Variants in THSD7B observed in about 807,000 individuals in gnomAD.
THSD7B encodes thrombospondin type-1 domain-containing protein 7B.
THSD7B carries 138 observed loss-of-function variants against 213.6 expected under a neutral mutation model. The ratio of observed to expected loss-of-function variants is 0.65; its 90% CI spans 0.56 to 0.74. The LOEUF is 0.74. Ranked by LOEUF, THSD7B falls within the 30% of genes least tolerant of loss-of-function variation. The pLI, the probability that THSD7B is intolerant of heterozygous loss-of-function variation, is 0.00. For synonymous variants in THSD7B, 742 were observed against 687.0 expected (o/e 1.08, Z -1.25); for missense variants, 1,931 against 1,991.5 (o/e 0.97, Z 0.58).
chr2:136,776,550 A>G lies in THSD7B; in HGVS notation c.-36+10863A>G, dbSNP rs1681609776. Among the ~76,000 whole-genome samples the G allele has an allele frequency of 1.3e-5, 2 of 152,148 alleles. 1 individual carries two copies. Among genetic ancestry groups the G allele is most frequent in the South Asian group, 4.1e-4 (2 of 4,826 alleles). ...GAGAGACTCAAATCCTTATAATCTA[A>G]GATAAACAATTTTGTCCTGGCATGT... On this transcript the variant is annotated intron_variant, in intron 1 of 27. Coordinates refer to ENST00000409968, the MANE Select transcript of THSD7B (RefSeq NM_001316349.2).
chr2:137,056,766 T>C lies in THSD7B; in HGVS notation c.486T>C (p.Phe162=), dbSNP rs969209329. 1 of 1,613,892 alleles carries C rather than the reference T, an allele frequency of 6.2e-7. No homozygotes were observed. Among genetic ancestry groups the C allele is most frequent in the African/African-American group, 1.3e-5 (1 of 74,936 alleles). The change falls in exon 3 of 28, where the codon TTT becomes TTC. Residue 162 remains phenylalanine, a synonymous_variant. Coordinates refer to ENST00000409968, the MANE Select transcript of THSD7B (RefSeq NM_001316349.2). ...TVVANEICEH[F]ALQPPTEQAC... Reference sequence around the variant, plus strand: ...TTGCAAATGAAATATGCGAACACTTTGCCCTTCAGCCTCCTACAGAACAGG... The same window carrying C: ...TTGCAAATGAAATATGCGAACACTTCGCCCTTCAGCCTCCTACAGAACAGG...
chr2:136,882,678 T>C (rs1157949519), intron 2 of THSD7B, among the ~76,000 whole-genome samples: 2 of 152,210 alleles, frequency 1.3e-5, no homozygotes, highest in African/African-American at 4.8e-5. Context: ...CAGTTCTGCA[T>C]GTCTCTTTCA....
intron 1 of THSD7B, among the ~76,000 whole-genome samples, chr2:136,825,676 C>G (rs145148524): frequency 6.6e-6 from 1 of 150,564 alleles, no homozygotes; most frequent in African/African-American, 2.5e-5. Flanking sequence ...CTCAGCCTCC[C>G]GAGTAGCTGG....
chr2:137,146,705 A>G (rs1160867441), intron 5 of THSD7B, among the ~76,000 whole-genome samples: 1 of 152,180 alleles, frequency 6.6e-6, no homozygotes, highest in African/African-American at 2.4e-5. Context: ...CATAAAGCAC[A>G]AATACACATA....
At chr2:137,390,956 A>G (rs935801514) in intron 12 of THSD7B, among the ~76,000 whole-genome samples, 10 of 151,922 alleles carry the variant, frequency 6.6e-5, no homozygotes, top group African/African-American at 7.2e-5. Context: ...TTTTGCATCT[A>G]TGTTCACCAG....
At chr2:137,587,301 G>C (rs2104809139) in intron 17 of THSD7B, among the ~76,000 whole-genome samples, 1 of 152,298 alleles carries the variant, frequency 6.6e-6, no homozygotes, top group African/African-American at 2.4e-5. Flanking sequence ...TTAGCTCGGA[G>C]AAGTTTCGTT....
At chr2:137,242,209 G>A (rs1254583628) in intron 9 of THSD7B, among the ~76,000 whole-genome samples, 2 of 152,088 alleles carry the variant, frequency 1.3e-5, no homozygotes. Context: ...TGGTTTCAGA[G>A]GTTATTTTTT....
chr2:137,136,232 A>G (rs1679454778), intron 5 of THSD7B, among the ~76,000 whole-genome samples: 1 of 152,276 alleles, frequency 6.6e-6, no homozygotes, highest in South Asian at 2.1e-4. Flanking sequence ...AAAACCACCA[A>G]GGCACATGTA....
At position 137,614,278 on chromosome 2, in the gene THSD7B, C is replaced by T. The variant is rs182352413; in HGVS notation, c.3424-1897C>T. Among the ~76,000 whole-genome samples the T allele has an allele frequency of 2.2e-3, 331 of 152,144 alleles. 1 individual carries two copies. The highest frequency in any genetic ancestry group is 6.9e-3 in the African/African-American group (285 of 41,526). On this transcript the variant is annotated intron_variant, in intron 17 of 27. Coordinates refer to ENST00000409968, the MANE Select transcript of THSD7B (RefSeq NM_001316349.2). ...TTCTTAAATCTTATCAAATTTCATC[C>T]CATCCCCATTCTTCTTTCTCATCTA...
At position 136,885,794 on chromosome 2, in the gene THSD7B, C is replaced by T. The variant is rs567465152; in HGVS notation, c.139+3477C>T. On this transcript the variant is annotated intron_variant, in intron 2 of 27. Transcript: ENST00000409968. ...ATTGAGAATAAAATAGGCAAATCCT[C>T]GGTCCTCATAAAGAGGGCAATAAAC... 2.0e-5 allele frequency among the ~76,000 whole-genome samples: 3 copies of T among 152,226 alleles called. 1 individual carries two copies. The highest frequency in any genetic ancestry group is 4.2e-4 in the South Asian group (2 of 4,818).
At chr2:137,194,111 C>T (rs1680713034) in intron 7 of THSD7B, among the ~76,000 whole-genome samples, 2 of 152,086 alleles carry the variant, frequency 1.3e-5, no homozygotes, top group African/African-American at 2.4e-5. Flanking sequence ...ACAAGTAAGA[C>T]CACACAAAAT....
chr2:137,256,162 T>C lies in THSD7B; in HGVS notation c.2266+13590T>C, dbSNP rs573782641. On this transcript the variant is annotated intron_variant, in intron 10 of 27. Coordinates refer to ENST00000409968, the MANE Select transcript of THSD7B (RefSeq NM_001316349.2). ...TGAATGGTGACTGCCACAAAGTAAT[T>C]ACCTAAATATTTGTTGAATGAATAA... Among the ~76,000 whole-genome samples, 14 of 152,306 alleles carry C rather than the reference T, an allele frequency of 9.2e-5. No individual in the cohort carries two copies. In the East Asian group the frequency reaches 2.7e-3, roughly 29 times the overall value.
intron 1 of THSD7B, among the ~76,000 whole-genome samples, chr2:136,793,972 T>C (rs919335204): frequency 7.0e-6 from 1 of 142,512 alleles, no homozygotes; most frequent in African/African-American, 3.0e-5. Flanking sequence ...GTAATTTGTG[T>C]TTTTTTTGTG....
rs185310954 is a variant in THSD7B, at chr2:137,627,417, T to C, written c.3799+6691T>C. On this transcript the variant is annotated intron_variant, in intron 20 of 27. Transcript: ENST00000409968. ...GAACTGCAGTTTGGAGAAATCATCA[T>C]TGGGAAGGGAGGATGGGATACCAGG... 1.4e-3 allele frequency among the ~76,000 whole-genome samples: 219 copies of C among 152,188 alleles called. 2 individuals carry two copies. The highest frequency in any genetic ancestry group is 5.0e-3 in the African/African-American group (208 of 41,528).
At chr2:137,632,576 A>G (rs1198586283) in intron 20 of THSD7B, among the ~76,000 whole-genome samples, 2 of 152,198 alleles carry the variant, frequency 1.3e-5, no homozygotes, top group African/African-American at 4.8e-5. Flanking sequence ...TTTTAATGGA[A>G]TTGAAATGTG....
intron 2 of THSD7B, among the ~76,000 whole-genome samples, chr2:136,958,358 G>A (rs548930169): frequency 1.7e-4 from 26 of 152,260 alleles, no homozygotes; most frequent in African/African-American, 5.1e-4. Context: ...TTAGTTGATC[G>A]CAAGCAAATA....
chr2:137,649,834 G>A (rs146576532), intron 21 of THSD7B, among the ~76,000 whole-genome samples: 3,956 of 152,138 alleles, frequency 0.026, 55 homozygotes, highest in Middle Eastern at 0.068. Context: ...AGTGGCTCAC[G>A]CCTGCAACCC....
intron 1 of THSD7B, among the ~76,000 whole-genome samples, chr2:136,866,677 G>A (rs998075651): frequency 3.9e-5 from 6 of 152,190 alleles, no homozygotes; most frequent in African/African-American, 1.4e-4. Context: ...AATTTTTAAC[G>A]TATGGTTACA....
chr2:137,404,155 T>A (rs983736898), intron 12 of THSD7B, among the ~76,000 whole-genome samples: 4 of 151,916 alleles, frequency 2.6e-5, no homozygotes, highest in Admixed American at 1.3e-4. Flanking sequence ...CTCACGATTA[T>A]TATTTTAAGG....
Sources: gnomAD v4.1 joint callset for allele counts (sites outside exome capture counted in the v4.1 genomes callset) on GRCh38, gnomAD v4.1.1 for gene constraint, MANE v1.5 for transcripts, NCBI Gene and HGNC (gene_info 2026-07-23, HGNC 2026-07-21) for gene names.